SPATA6: variants seen among roughly 807,000 people sequenced by gnomAD.
SPATA6 encodes spermatogenesis-associated protein 6.
In SPATA6, 56 loss-of-function variants were observed where a neutral mutation model predicts 65.3. That is an observed-to-expected ratio of 0.86 (90% CI 0.69 to 1.07). The LOEUF is 1.07. SPATA6 is among the 50% of genes least tolerant of loss of function. SPATA6 has a pLI of 0.00. For missense variants in SPATA6, 590 were observed against 594.8 expected, an observed-to-expected ratio of 0.99 and a Z score of 0.08; for synonymous variants, 199 against 213.2, an observed-to-expected ratio of 0.93 and a Z score of 0.58.
chr1:48,430,507 C>T (rs1190834376), intron 3 of SPATA6, among the ~76,000 whole-genome samples: 5 of 152,122 alleles, frequency 3.3e-5, no homozygotes, highest in South Asian at 2.1e-4. Flanking sequence ...AATGAAAGGA[C>T]CCTAGACAGT....
chr1:48,408,458 T>C (rs920086463), intron 5 of SPATA6, among the ~76,000 whole-genome samples: 2 of 152,208 alleles, frequency 1.3e-5, no homozygotes, highest in Non-Finnish European at 2.9e-5. Flanking sequence ...TATGAATATA[T>C]ATTTCCATTA....
chr1:48,332,978 G>T (rs1020424778), intron 11 of SPATA6, among the ~76,000 whole-genome samples: 1 of 152,146 alleles, frequency 6.6e-6, no homozygotes, highest in Admixed American at 6.5e-5. Flanking sequence ...AATAACTCAG[G>T]TTAATTATCA....
intron 3 of SPATA6, among the ~76,000 whole-genome samples, chr1:48,424,265 C>A (rs547456841): frequency 6.6e-6 from 1 of 152,274 alleles, no homozygotes; most frequent in Non-Finnish European, 1.5e-5. Flanking sequence ...TCTTTCTGTG[C>A]CTGGCATATT....
intron 9 of SPATA6, among the ~76,000 whole-genome samples, chr1:48,367,456 C>A (rs1647060922): frequency 6.6e-6 from 1 of 152,146 alleles, no homozygotes; most frequent in Non-Finnish European, 1.5e-5. Context: ...TCACTCAGGA[C>A]TTGCTTTATG....
chr1:48,263,356 A>T, the SPATA6 span, among the ~76,000 whole-genome samples: 1 of 152,130 alleles, frequency 6.6e-6, no homozygotes, highest in Admixed American at 6.6e-5. Context: ...TTTAAGATGG[A>T]TCAAAAGTAT....
intron 3 of SPATA6, chr1:48,435,875 G>A: frequency 1.5e-6 from 2 of 1,314,462 alleles, no homozygotes; most frequent in Non-Finnish European, 2.2e-6. Context: ...TGCTAGGTAG[G>A]ATATATCTGC....
chr1:48,264,996 C>T, the SPATA6 span, among the ~76,000 whole-genome samples: 2 of 152,184 alleles, frequency 1.3e-5, no homozygotes, highest in African/African-American at 4.8e-5. Flanking sequence ...TGTGCCTCTT[C>T]ATGCCTCCAT....
intron 12 of SPATA6, among the ~76,000 whole-genome samples, chr1:48,303,401 T>C (rs1404613330): frequency 6.6e-6 from 1 of 152,102 alleles, no homozygotes. Context: ...TTCTACTCAT[T>C]AACCAACCTC....
At chr1:48,329,515 C>T (rs114497159) in intron 11 of SPATA6, among the ~76,000 whole-genome samples, 227 of 152,226 alleles carry the variant, frequency 1.5e-3, no homozygotes, top group African/African-American at 5.1e-3. Flanking sequence ...AAATTAAACT[C>T]GAATTACTAT....
chr1:48,388,675 A>AGAT (rs1461154324), intron 8 of SPATA6, among the ~76,000 whole-genome samples: 1 of 152,092 alleles, frequency 6.6e-6, no homozygotes, highest in Non-Finnish European at 1.5e-5. Flanking sequence ...GAAATTCTGG[A>AGAT]GATGAATTAA....
chr1:48,361,218 A>G (rs902753216), intron 9 of SPATA6, among the ~76,000 whole-genome samples: 6 of 152,184 alleles, frequency 3.9e-5, no homozygotes, highest in African/African-American at 1.4e-4. Context: ...GAATACTCCA[A>G]TATTTAGAGG....
chr1:48,386,520 T>C (rs1649484363), intron 8 of SPATA6, among the ~76,000 whole-genome samples: 1 of 152,054 alleles, frequency 6.6e-6, no homozygotes, highest in Admixed American at 6.6e-5. Context: ...CAATAGAGAA[T>C]ACTGGAATTC....
At chr1:48,319,154 T>C (rs1645526221) in intron 11 of SPATA6, among the ~76,000 whole-genome samples, 1 of 152,260 alleles carries the variant, frequency 6.6e-6, no homozygotes, top group African/African-American at 2.4e-5. Flanking sequence ...AGGCCAATAC[T>C]GTAAAACTCT....
At position 48,298,720 on chromosome 1, in the gene SPATA6, C is replaced by A; in HGVS notation, c.1460G>T (p.Ser487Ile). 6.2e-7 allele frequency: 1 copy of A among 1,611,630 alleles called. No individual in the cohort carries two copies. Among genetic ancestry groups the A allele is most frequent in the Non-Finnish European group, 8.5e-7 (1 of 1,178,932 alleles). The stretch of plus-strand genomic sequence containing the variant: ...GGTTTATCATGGATGGTCTCAGAAG[C>A]TTTCCTGTGTATGTGAAGCAGAACT... The part of the protein sequence containing the change: ...ACSSASHTQE[S>I]F The change falls in exon 13 of 13, where the codon AGC becomes ATC. Residue 487 changes from serine (S) to isoleucine (I), a missense_variant. Ser to Ile is a moderately radical substitution (Grantham distance 142, BLOSUM62 -2). Coordinates refer to ENST00000371847, the MANE Select transcript of SPATA6 (RefSeq NM_019073.4).
At chr1:48,446,099 T>G (rs1321056348) in intron 3 of SPATA6, among the ~76,000 whole-genome samples, 1 of 152,086 alleles carries the variant, frequency 6.6e-6, no homozygotes, top group Admixed American at 6.5e-5. Context: ...AAAAAGAATT[T>G]AAAATAATAT....
intron 9 of SPATA6, among the ~76,000 whole-genome samples, chr1:48,370,065 T>G (rs534172328): frequency 1.3e-5 from 2 of 152,200 alleles, no homozygotes; most frequent in African/African-American, 4.8e-5. Context: ...ACAAATCATA[T>G]TATTGGCCAT....
At position 48,297,254 on chromosome 1, in the gene SPATA6, T is replaced by A. The variant is rs983748961; in HGVS notation, c.*1459A>T. 2.6e-5 allele frequency: 4 copies of A among 152,042 alleles called. No homozygotes were observed. Among genetic ancestry groups the A allele is most frequent in the African/African-American group, 7.2e-5 (3 of 41,394 alleles). 9.4% of individuals were successfully genotyped at this position (152,042 alleles called of 1,614,324 possible). A position where few individuals can be genotyped will look rare whatever the true frequency, so the allele number is the denominator to read the frequency against. On this transcript the variant is annotated 3_prime_UTR_variant, in exon 13 of 13. Transcript: ENST00000371847. ...ACGATTATCTCCTAAAACAGTGATC[T>A]TGGTCCACAGAACATAGTTTGGGGT...
Position 48,304,532 on chromosome 1 carries a change from C to G in SPATA6, c.1286+1255G>C, listed in dbSNP as rs1187490248. 3.3e-5 allele frequency among the ~76,000 whole-genome samples: 5 copies of G among 152,212 alleles called. No homozygotes were observed. The East Asian group carries it at 9.7e-4, about 29-fold the overall frequency. On this transcript the variant is annotated intron_variant, in intron 12 of 12. Coordinates refer to ENST00000371847, the MANE Select transcript of SPATA6 (RefSeq NM_019073.4). Reference sequence around the variant, plus strand: ...TTTTATTGTATTTATTTTGTAGAGACAGGGTCTTGCTATGTTGCCCAGGCT... The same window carrying G: ...TTTTATTGTATTTATTTTGTAGAGAGAGGGTCTTGCTATGTTGCCCAGGCT...
intron 9 of SPATA6, among the ~76,000 whole-genome samples, chr1:48,384,739 A>G (rs11802990): frequency 0.25 from 37,312 of 152,058 alleles, 4,785 homozygotes; most frequent in Admixed American, 0.3. Context: ...TTTAAGAAAC[A>G]GAGAGCATGT....
Sources: gnomAD v4.1 joint callset for allele counts (sites outside exome capture counted in the v4.1 genomes callset) on GRCh38, gnomAD v4.1.1 for gene constraint, MANE v1.5 for transcripts, NCBI Gene and HGNC (gene_info 2026-07-23, HGNC 2026-07-21) for gene names.